SKAP1: variants seen among roughly 807,000 people sequenced by gnomAD.
SKAP1 encodes the protein src kinase associated phosphoprotein 1.
In SKAP1, 44 loss-of-function variants were observed where a neutral mutation model predicts 58.5. The observed-to-expected ratio is 0.75, with a 90% CI of 0.59 to 0.97. The LOEUF (loss-of-function observed/expected upper bound fraction) is 0.97, where lower values mean the gene tolerates loss of function less well. Among genes scored for constraint, SKAP1 ranks in the 50% least tolerant of loss-of-function variants. The pLI, the probability that SKAP1 is intolerant of heterozygous loss-of-function variation, is 0.00. For missense variants in SKAP1, 390 were observed against 435.2 expected (o/e 0.90, Z 0.92); for synonymous variants, 127 against 149.7 (o/e 0.85, Z 1.11).
At chr17:48,350,828 A>G (rs1389374856) in intron 3 of SKAP1, among the ~76,000 whole-genome samples, 1 of 152,188 alleles carries the variant, frequency 6.6e-6, no homozygotes, top group Non-Finnish European at 1.5e-5. Context: ...ATTTTAAATT[A>G]TTGTTGTTGT....
the SKAP1 span, among the ~76,000 whole-genome samples, chr17:48,440,028 G>A: frequency 6.6e-6 from 1 of 152,162 alleles, no homozygotes; most frequent in Admixed American, 6.5e-5. Context: ...CGAAGCACCA[G>A]GACGCGGGCT....
At position 48,189,561 on chromosome 17, in the gene SKAP1, C is replaced by G. The variant is rs1048336613; in HGVS notation, c.281-61G>C. 3 of 1,225,352 alleles carry G rather than the reference C, an allele frequency of 2.4e-6. No homozygotes were observed. The Admixed American group carries it at 5.5e-5, about 22-fold the overall frequency. 75.9% of individuals were successfully genotyped at this position (1,225,352 alleles called of 1,614,324 possible). On this transcript the variant is annotated intron_variant, in intron 4 of 12. Transcript: ENST00000336915. The stretch of plus-strand genomic sequence containing the variant: ...CTGGCAAAATTTTCATTTATTTAGG[C>G]TACTTTAGGTAATTCACATTAATAA...
chr17:48,266,495 TTTTTCTTTTCTTA>T (rs2065551137), intron 4 of SKAP1, among the ~76,000 whole-genome samples: 1 of 151,742 alleles, frequency 6.6e-6, no homozygotes, highest in Non-Finnish European at 1.5e-5. Flanking sequence ...TCCTTTTCTT[TTTTTCTTTTCTTA>T]CTTTCTTTTT....
chr17:48,282,610 C>A (rs558395047), intron 4 of SKAP1, among the ~76,000 whole-genome samples: 1 of 151,908 alleles, frequency 6.6e-6, no homozygotes, highest in Admixed American at 6.6e-5. Flanking sequence ...CTCAGCTCTA[C>A]GAAAAAGTAA....
intron 4 of SKAP1, among the ~76,000 whole-genome samples, chr17:48,320,522 G>A (rs1214038305): frequency 6.6e-6 from 1 of 152,050 alleles, no homozygotes; most frequent in Non-Finnish European, 1.5e-5. Flanking sequence ...AATGGTTACT[G>A]CAATATAAAA....
At chr17:48,392,902 C>T (rs924678935) in intron 2 of SKAP1, among the ~76,000 whole-genome samples, 1 of 151,688 alleles carries the variant, frequency 6.6e-6, no homozygotes, top group East Asian at 1.9e-4. Context: ...ACCCCTCCCC[C>T]ACTCTCAACG....
intron 4 of SKAP1, among the ~76,000 whole-genome samples, chr17:48,237,086 C>A (rs1030662412): frequency 2.0e-5 from 3 of 152,184 alleles, no homozygotes; most frequent in African/African-American, 7.2e-5. Flanking sequence ...AAATCCAGTT[C>A]TTTCTGACTC....
At chr17:48,374,861 G>T (rs1567889294) in intron 2 of SKAP1, among the ~76,000 whole-genome samples, 1 of 152,156 alleles carries the variant, frequency 6.6e-6, no homozygotes, top group Admixed American at 6.5e-5. Context: ...CCCCAGTGGA[G>T]GCATCCAAGG....
intron 4 of SKAP1, among the ~76,000 whole-genome samples, chr17:48,219,625 C>A (rs1265824959): frequency 6.6e-6 from 1 of 152,134 alleles, no homozygotes; most frequent in Non-Finnish European, 1.5e-5. Flanking sequence ...GGTACCATAA[C>A]CCAGTTATTT....
At chr17:48,403,541 A>G (rs546741113) in intron 1 of SKAP1, among the ~76,000 whole-genome samples, 42 of 152,116 alleles carry the variant, frequency 2.8e-4, no homozygotes, top group Non-Finnish European at 5.4e-4. Flanking sequence ...TCAAGCACCC[A>G]GAGAGAAAAA....
At chr17:48,279,829 T>G (rs1280681657) in intron 4 of SKAP1, among the ~76,000 whole-genome samples, 2 of 152,168 alleles carry the variant, frequency 1.3e-5, no homozygotes, top group Non-Finnish European at 2.9e-5. Context: ...TCTCTCTTCG[T>G]AGCCTGGGCC....
At chr17:48,427,531 T>C (rs2067867355) in intron 1 of SKAP1, among the ~76,000 whole-genome samples, 1 of 151,942 alleles carries the variant, frequency 6.6e-6, no homozygotes, top group Non-Finnish European at 1.5e-5. Context: ...ATTTTATATT[T>C]AAACAAAATT....
chr17:48,315,769 A>C (rs980710436), intron 4 of SKAP1, among the ~76,000 whole-genome samples: 1 of 152,212 alleles, frequency 6.6e-6, no homozygotes, highest in African/African-American at 2.4e-5. Context: ...ATAAGTACTT[A>C]ACACAAACTT....
chr17:48,204,958 C>CTTTTTCT (rs71366845), intron 4 of SKAP1, among the ~76,000 whole-genome samples: 2 of 120,804 alleles, frequency 1.7e-5, no homozygotes, highest in African/African-American at 6.3e-5. Context: ...CCTCCTTCCT[C>CTTTTTCT]TTTCTTTTCT....
chr17:48,139,618 G>T (rs939531346), intron 11 of SKAP1, among the ~76,000 whole-genome samples: 12 of 152,320 alleles, frequency 7.9e-5, no homozygotes, highest in Admixed American at 4.6e-4. Flanking sequence ...AGTAAAACCA[G>T]ATTGGTGATA....
At chr17:48,355,638 C>G (rs963022415) in intron 3 of SKAP1, among the ~76,000 whole-genome samples, 1 of 151,928 alleles carries the variant, frequency 6.6e-6, no homozygotes, top group African/African-American at 2.4e-5. Context: ...ACCAGCCTGG[C>G]CAACATGGCA....
intron 4 of SKAP1, among the ~76,000 whole-genome samples, chr17:48,195,980 G>C (rs1046335809): frequency 6.6e-6 from 1 of 152,114 alleles, no homozygotes. Context: ...TAATTAAAAT[G>C]AATATGCTTT....
At chr17:48,429,585 C>T (rs1209115659) in intron 1 of SKAP1, among the ~76,000 whole-genome samples, 2 of 152,162 alleles carry the variant, frequency 1.3e-5, no homozygotes, top group Non-Finnish European at 2.9e-5. Context: ...CAAAAACTCA[C>T]GTCAACCACC....
At chr17:48,237,292 C>G (rs1366272948) in intron 4 of SKAP1, among the ~76,000 whole-genome samples, 1 of 152,192 alleles carries the variant, frequency 6.6e-6, no homozygotes, top group Non-Finnish European at 1.5e-5. Context: ...ATATAAGAGA[C>G]TTTATTCCTA....
Sources: allele counts gnomAD v4.1 joint callset (sites outside exome capture counted in the v4.1 genomes callset), GRCh38; gene constraint gnomAD v4.1.1; transcripts MANE v1.5; gene names NCBI Gene and HGNC (gene_info 2026-07-23, HGNC 2026-07-21).